Variants in TULP4 observed in about 807,000 individuals in gnomAD.
TULP4 encodes TUB like protein 4, also known as tubby-related protein 4.
In TULP4, 16 loss-of-function variants were observed where a neutral mutation model predicts 129.0. The ratio of observed to expected loss-of-function variants is 0.12; its 90% CI spans 0.08 to 0.19. The LOEUF (loss-of-function observed/expected upper bound fraction) is 0.19, where lower values mean the gene tolerates loss of function less well. Ranked by LOEUF, TULP4 falls within the 10% of genes least tolerant of loss-of-function variation. The pLI is 1.00. For synonymous variants in TULP4, 998 were observed against 854.0 expected (o/e 1.17, Z -2.94); for missense variants, 1,842 against 2,059.1 (o/e 0.89, Z 2.04).
chr6:158,291,508 C>T (rs1468268360), intron 1 of TULP4, among the ~76,000 whole-genome samples: 2 of 152,066 alleles, frequency 1.3e-5, no homozygotes, highest in Non-Finnish European at 2.9e-5. Context: ...AAAGTGTGCC[C>T]AGGTGTGGAT....
At position 158,502,348 on chromosome 6, in the gene TULP4, C is replaced by T; in HGVS notation, c.2685C>T (p.Gly895=). The part of the protein sequence containing the change: ...YERITTFDSS[G]NVEEVCRPRT... ...GGATCACCACCTTCGACAGCAGTGG[C>T]AACGTGGAGGAGGTGTGCCGGCCCC... Residue 895 remains glycine (G), a synonymous_variant, in exon 13 of 14, where the codon GGC becomes GGT. Coordinates refer to ENST00000367097, the MANE Select transcript of TULP4 (RefSeq NM_020245.5). 6.2e-7 allele frequency: 1 copy of T among 1,613,828 alleles called. No individual in the cohort carries two copies. Among genetic ancestry groups the T allele is most frequent in the Non-Finnish European group, 8.5e-7 (1 of 1,179,958 alleles).
rs369710220 is a variant in TULP4, at chr6:158,423,633, T to G, written c.382-6103T>G. Among the ~76,000 whole-genome samples the G allele has an allele frequency of 3.3e-3, 505 of 150,780 alleles. 4 individuals are homozygous for G. Among genetic ancestry groups the G allele is most frequent in the South Asian group, 9.2e-3 (44 of 4,782 alleles). On this transcript the variant is annotated intron_variant, in intron 2 of 13. Coordinates refer to ENST00000367097, the MANE Select transcript of TULP4 (RefSeq NM_020245.5). The stretch of plus-strand genomic sequence containing the variant: ...TGTTTGTTGTTATTTGTTTTTGTTT[T>G]TTGTTGTTGTTGTTGTTGTTGTTTT...
chr6:158,460,036 CA>C (rs1226790325), intron 5 of TULP4, among the ~76,000 whole-genome samples: 1 of 152,142 alleles, frequency 6.6e-6, no homozygotes, highest in African/African-American at 2.4e-5. Context: ...CTGATTGTGG[CA>C]GGTTTTTTTC....
At chr6:158,245,292 G>A (rs1778008599) in intron 1 of TULP4, among the ~76,000 whole-genome samples, 1 of 151,992 alleles carries the variant, frequency 6.6e-6, no homozygotes, top group Non-Finnish European at 1.5e-5. Flanking sequence ...ACCGCACCCG[G>A]CCTAGACCCA....
At position 158,493,934 on chromosome 6, in the gene TULP4, G is replaced by A. The variant is rs576025992; in HGVS notation, c.1776+217G>A. ...CAGCCAGTTCTGATCTTGCAGTGAC[G>A]GTGGGAGAGAACCTCCCACTTCCCA... On this transcript the variant is annotated intron_variant, in intron 10 of 13. Coordinates refer to ENST00000367097, the MANE Select transcript of TULP4 (RefSeq NM_020245.5). This position sits in a 1 kb window ranked among gnomAD's most constrained non-coding sequence, Gnocchi z 4.4. Among the ~76,000 whole-genome samples the A allele has an allele frequency of 9.9e-5, 15 of 152,108 alleles. No individual in the cohort carries two copies. The South Asian group carries it at 1.7e-3, about 17-fold the overall frequency.
chr6:158,291,846 T>C (rs1778947750), intron 1 of TULP4, among the ~76,000 whole-genome samples: 1 of 152,232 alleles, frequency 6.6e-6, no homozygotes, highest in African/African-American at 2.4e-5. Flanking sequence ...AATAGGTTTT[T>C]CATTTCTAAA....
At chr6:158,268,721 T>C (rs9355613) in intron 1 of TULP4, among the ~76,000 whole-genome samples, 49,987 of 152,152 alleles carry the variant, frequency 0.33, 9,208 homozygotes, top group Admixed American at 0.45. Flanking sequence ...TGATTTCATT[T>C]GATTCTGTTG....
intron 6 of TULP4, among the ~76,000 whole-genome samples, chr6:158,474,167 A>G (rs908874473): frequency 2.0e-5 from 3 of 152,232 alleles, no homozygotes; most frequent in Admixed American, 6.5e-5. Context: ...TTGTACAGAC[A>G]TAAAACATTT....
Position 158,258,403 on chromosome 6 carries a change from A to C in TULP4, n.68+26100A>C, listed in dbSNP as rs193211666. Among the ~76,000 whole-genome samples the C allele has an allele frequency of 1.4e-3, 215 of 152,274 alleles. 1 individual carries two copies. Among genetic ancestry groups the C allele is most frequent in the African/African-American group, 4.6e-3 (190 of 41,558 alleles). On this transcript the variant is annotated intron_variant and non_coding_transcript_variant, in intron 1 of 1. Transcript: ENST00000620026. ...TGGCTGCCAGCCCCATGTTTTTCAT[A>C]TTATGACCCAGGTGTCCAGAGAGAG... is the stretch of plus-strand genomic sequence containing the variant.
chr6:158,358,631 A>T (rs1219966707), intron 1 of TULP4, among the ~76,000 whole-genome samples: 14 of 152,242 alleles, frequency 9.2e-5, no homozygotes, highest in Non-Finnish European at 1.9e-4. Flanking sequence ...TAGCATTGGT[A>T]TAAAAAGACA....
chr6:158,421,899 TTAGA>T (rs1481571598), intron 2 of TULP4, among the ~76,000 whole-genome samples: 1 of 152,168 alleles, frequency 6.6e-6, no homozygotes, highest in African/African-American at 2.4e-5. Context: ...CCCAGACCCC[TTAGA>T]TAGGAATTTG....
intron 6 of TULP4, among the ~76,000 whole-genome samples, chr6:158,472,042 G>A (rs1189849141): frequency 1.1e-4 from 16 of 152,236 alleles, no homozygotes; most frequent in Non-Finnish European, 5.9e-5. Flanking sequence ...TGTCCTTCCC[G>A]CCGTTTTAGC....
At chr6:158,262,222 C>T (rs995137739) in intron 1 of TULP4, among the ~76,000 whole-genome samples, 3 of 152,204 alleles carry the variant, frequency 2.0e-5, no homozygotes, top group African/African-American at 4.8e-5. Flanking sequence ...ACAAACACCA[C>T]ACCATCATTC....
chr6:158,461,844 G>A (rs1779435442), intron 6 of TULP4, 115 bp downstream of exon 6: 16 of 1,251,152 alleles, frequency 1.3e-5, no homozygotes, highest in South Asian at 3.3e-5. Flanking sequence ...GTTGTGGTGG[G>A]TAAACCAGGA....
chr6:158,404,241 G>A lies in TULP4; in HGVS notation c.253-8824G>A, dbSNP rs545747146. Among the ~76,000 whole-genome samples, 12 of 152,254 alleles carry A rather than the reference G, an allele frequency of 7.9e-5. No individual in the cohort carries two copies. The South Asian group carries it at 2.3e-3, about 29-fold the overall frequency. ...TTTCTTCCTAGCAGCATCTCCTGTG[G>A]TGTTAAAAGATCCTGACTTCTGCAG... On this transcript the variant is annotated intron_variant, in intron 1 of 13. Transcript: ENST00000367097.
At chr6:158,374,865 A>T (rs1048596019) in intron 1 of TULP4, among the ~76,000 whole-genome samples, 3 of 152,220 alleles carry the variant, frequency 2.0e-5, no homozygotes, top group African/African-American at 7.2e-5. Context: ...TATTAAGGAC[A>T]TTTAAAAATT....
intron 1 of TULP4, among the ~76,000 whole-genome samples, chr6:158,306,137 G>A (rs933243553): frequency 6.6e-6 from 1 of 152,066 alleles, no homozygotes; most frequent in Non-Finnish European, 1.5e-5. Context: ...AGCATATATG[G>A]CGTTTTATGA....
intron 1 of TULP4, among the ~76,000 whole-genome samples, chr6:158,323,426 T>C (rs1330678456): frequency 1.3e-5 from 2 of 152,240 alleles, no homozygotes; most frequent in Non-Finnish European, 2.9e-5. Context: ...GTTCATGACC[T>C]GAGTTAGAGA....
At chr6:158,385,500 C>A (rs1374257521) in intron 1 of TULP4, among the ~76,000 whole-genome samples, 2 of 152,100 alleles carry the variant, frequency 1.3e-5, no homozygotes, top group East Asian at 3.9e-4. Context: ...TCACCTTTGT[C>A]AGGCTACTCT....
Sources: gnomAD v4.1 joint callset for allele counts (sites outside exome capture counted in the v4.1 genomes callset) on GRCh38, gnomAD v4.1.1 for gene constraint, Gnocchi (gnomAD v3.1) non-coding constraint, MANE v1.5 for transcripts, NCBI Gene and HGNC (gene_info 2026-07-23, HGNC 2026-07-21) for gene names.